Variants in PRKAR1B observed in about 807,000 individuals in gnomAD.
PRKAR1B encodes protein kinase cAMP-dependent type I regulatory subunit beta, also known as cAMP-dependent protein kinase type I-beta regulatory subunit.
A neutral mutation model predicts 46.5 loss-of-function variants in PRKAR1B; 22 were observed. The observed-to-expected ratio is 0.47, with a 90% confidence interval of 0.34 to 0.68. PRKAR1B has a LOEUF of 0.68. PRKAR1B is among the 30% of genes least tolerant of loss of function. PRKAR1B has a pLI of 0.01. For missense variants in PRKAR1B, 445 were observed against 535.6 expected, an observed-to-expected ratio of 0.83 and a Z score of 1.67; for synonymous variants, 259 against 217.7, an observed-to-expected ratio of 1.19 and a Z score of -1.67.
chr7:616,008 A>AGAGAGAG (rs1554293511), intron 4 of PRKAR1B, among the ~76,000 whole-genome samples: 1 of 149,294 alleles, frequency 6.7e-6, no homozygotes, highest in Non-Finnish European at 1.5e-5. Flanking sequence ...AAAAGGAAGA[A>AGAGAGAG]AGAGAGAGAG....
intron 4 of PRKAR1B, among the ~76,000 whole-genome samples, chr7:624,377 G>C (rs1418155694): frequency 6.6e-6 from 1 of 152,074 alleles, no homozygotes; most frequent in Admixed American, 6.6e-5. Flanking sequence ...GGGTTGCATT[G>C]AGTGAGATCG....
intron 9 of PRKAR1B, among the ~76,000 whole-genome samples, chr7:573,503 C>A (rs1408263319): frequency 6.6e-6 from 1 of 152,132 alleles, no homozygotes; most frequent in Non-Finnish European, 1.5e-5. Context: ...CAGCATCTGA[C>A]CCCAGCACCC....
Position 669,361 on chromosome 7 carries a change from A to G in PRKAR1B, c.440+7868T>C, listed in dbSNP as rs556330800. ...AGGGGGTGATAGGACTGACTGCTGA[A>G]TAAGTGTGGGGCTTCCATTTGGAAT... On this transcript the variant is annotated intron_variant, in intron 4 of 10. Transcript: ENST00000537384. 9.8e-5 allele frequency among the ~76,000 whole-genome samples: 15 copies of G among 152,358 alleles called. No homozygotes were observed. In the South Asian group the frequency reaches 3.1e-3, roughly 32 times the overall value.
chr7:612,685 T>C (rs1030562310), intron 4 of PRKAR1B, among the ~76,000 whole-genome samples: 29 of 152,322 alleles, frequency 1.9e-4, no homozygotes, highest in African/African-American at 5.8e-4. Context: ...TTTAAGGGCA[T>C]TGCAACAAAT....
chr7:682,907 C>A (rs375118647), intron 2 of PRKAR1B, among the ~76,000 whole-genome samples: 3 of 152,196 alleles, frequency 2.0e-5, no homozygotes, highest in East Asian at 3.9e-4. Flanking sequence ...CAACCCCTCA[C>A]ACAGATCAGG....
At chr7:558,992 C>T (rs1391762913) in intron 9 of PRKAR1B, among the ~76,000 whole-genome samples, 3 of 152,192 alleles carry the variant, frequency 2.0e-5, no homozygotes, top group East Asian at 1.9e-4. Flanking sequence ...ACGGCGGCCC[C>T]GTCCCAGCCA....
At chr7:678,365 A>G (rs1273420248) in intron 3 of PRKAR1B, among the ~76,000 whole-genome samples, 1 of 152,248 alleles carries the variant, frequency 6.6e-6, no homozygotes, top group African/African-American at 2.4e-5. Flanking sequence ...CAATCTGTCA[A>G]CAACCAAAAC....
chr7:664,252 C>T (rs938105247), intron 4 of PRKAR1B, among the ~76,000 whole-genome samples: 2 of 152,222 alleles, frequency 1.3e-5, no homozygotes, highest in African/African-American at 4.8e-5. Context: ...GGACCCATGG[C>T]GTCCGTCGGA....
intron 9 of PRKAR1B, among the ~76,000 whole-genome samples, chr7:573,342 A>C (rs1180103472): frequency 4.0e-5 from 6 of 150,280 alleles, no homozygotes; most frequent in Non-Finnish European, 5.9e-5. Flanking sequence ...TCCCCTCCCG[A>C]CCCCCACACA....
intron 4 of PRKAR1B, among the ~76,000 whole-genome samples, chr7:618,617 T>C (rs1782956685): frequency 6.6e-6 from 1 of 152,232 alleles, no homozygotes; most frequent in Non-Finnish European, 1.5e-5. Flanking sequence ...GGCTGCGGCT[T>C]TGAACTGCCG....
At chr7:634,443 A>G (rs1583331564) in intron 4 of PRKAR1B, among the ~76,000 whole-genome samples, 2 of 152,020 alleles carry the variant, frequency 1.3e-5, no homozygotes, top group African/African-American at 4.8e-5. Context: ...TCATGACTGC[A>G]CTCCAGCCTG....
At position 717,419 on chromosome 7, in the gene PRKAR1B, G is replaced by A. The variant is rs138946185; in HGVS notation, c.-22-5892C>T. Among the ~76,000 whole-genome samples, 33 of 152,178 alleles carry A rather than the reference G, an allele frequency of 2.2e-4. No homozygotes were observed. The East Asian group carries it at 5.8e-3, about 27-fold the overall frequency. Reference sequence around the variant, plus strand: ...TGCCTGCAATCCCAGAACTTTGCGGGGCCAAAAGAGGAGGATCACTTGAGT... The same window carrying A: ...TGCCTGCAATCCCAGAACTTTGCGGAGCCAAAAGAGGAGGATCACTTGAGT... On this transcript the variant is annotated intron_variant, in intron 1 of 10. Transcript: ENST00000537384.
intron 5 of PRKAR1B, among the ~76,000 whole-genome samples, chr7:606,956 G>A (rs1782117057): frequency 6.6e-6 from 1 of 151,994 alleles, no homozygotes; most frequent in Non-Finnish European, 1.5e-5. Flanking sequence ...GCATATATAT[G>A]TAGACATATA....
upstream of PRKAR1B, among the ~76,000 whole-genome samples, chr7:728,878 G>T (rs1345496543): frequency 2.0e-5 from 3 of 152,336 alleles, no homozygotes; most frequent in South Asian, 4.1e-4. Context: ...GGCAACGGCA[G>T]AGAGGTTGAG....
chr7:726,777 C>T (rs1583467433), intron 1 of PRKAR1B: 1 of 1,269,204 alleles, frequency 7.9e-7, no homozygotes, highest in Non-Finnish European at 9.9e-7. Context: ...CTGAGGGGGC[C>T]GAGACGGCTG....
At chr7:607,811 T>C (rs1219997731) in intron 4 of PRKAR1B, 1 of 231,524 alleles carries the variant, frequency 4.3e-6, no homozygotes, top group African/African-American at 2.3e-5. Flanking sequence ...ACAATTCTAC[T>C]AGAATACAAC....
In PRKAR1B at chr7:560,043, T is replaced by A. The variant is rs13247591; in HGVS notation, c.892-8573A>T. 1.3e-5 allele frequency among the ~76,000 whole-genome samples: 2 copies of A among 152,096 alleles called. No individual in the cohort carries two copies. Among genetic ancestry groups the A allele is most frequent in the Non-Finnish European group, 2.9e-5 (2 of 68,020 alleles). On this transcript the variant is annotated intron_variant, in intron 9 of 10. Coordinates refer to ENST00000537384, the MANE Select transcript of PRKAR1B (RefSeq NM_001164760.2). This position sits in a 1 kb window ranked among gnomAD's most constrained non-coding sequence, Gnocchi z 4.2. ...CAAAGCAGGACCCTGTCTCTAATAA[T>A]GACAAGGTTTGGCGGTGTCCCCACC...
At chr7:622,879 G>A (rs1772554652) in intron 4 of PRKAR1B, among the ~76,000 whole-genome samples, 1 of 152,182 alleles carries the variant, frequency 6.6e-6, no homozygotes, top group Non-Finnish European at 1.5e-5. Flanking sequence ...GGCCTGCTCA[G>A]TCTGTCCTCC....
intron 4 of PRKAR1B, among the ~76,000 whole-genome samples, chr7:646,172 A>C (rs962922115): frequency 2.0e-5 from 3 of 152,094 alleles, no homozygotes; most frequent in Non-Finnish European, 1.5e-5. Context: ...CGGCCTCCCA[A>C]GTAGCTGGGA....
Sources: allele counts gnomAD v4.1 joint callset (sites outside exome capture counted in the v4.1 genomes callset), GRCh38; gene constraint gnomAD v4.1.1; non-coding constraint Gnocchi (gnomAD v3.1); transcripts MANE v1.5; gene names NCBI Gene and HGNC (gene_info 2026-07-23, HGNC 2026-07-21).